Variants in ASIC2 observed in about 807,000 individuals in gnomAD.
ASIC2 encodes acid-sensing ion channel 2.
A neutral mutation model predicts 57.3 loss-of-function variants in ASIC2; 25 were observed. That is an observed-to-expected ratio of 0.44 (90% CI 0.32 to 0.61). The LOEUF is 0.61. Among genes scored for constraint, ASIC2 ranks in the 20% least tolerant of loss-of-function variants. The pLI is 0.06. For synonymous variants in ASIC2, 319 were observed against 307.5 expected, an observed-to-expected ratio of 1.04 and a Z score of -0.39; for missense variants, 641 against 738.1, an observed-to-expected ratio of 0.87 and a Z score of 1.52.
In ASIC2 at chr17:33,476,004, A is replaced by T. The variant is rs542247113; in HGVS notation, c.556-363937T>A. On this transcript the variant is annotated intron_variant, in intron 1 of 9. Transcript: ENST00000359872. ...AGGAAAAGTGAAAGGCTGGGAGGTT[A>T]TTATTTGGTAGCCCTGTTCACTAAG... Among the ~76,000 whole-genome samples, 4 of 152,298 alleles carry T rather than the reference A, an allele frequency of 2.6e-5. No individual in the cohort carries two copies. The East Asian group carries it at 7.7e-4, about 29-fold the overall frequency.
intron 1 of ASIC2, among the ~76,000 whole-genome samples, chr17:33,910,141 G>A (rs1357886038): frequency 6.6e-6 from 1 of 152,096 alleles, no homozygotes; most frequent in Non-Finnish European, 1.5e-5. Flanking sequence ...ACAGCTTTTG[G>A]GGATATCGCT....
intron 1 of ASIC2, among the ~76,000 whole-genome samples, chr17:33,645,458 T>C (rs1374225218): frequency 6.6e-6 from 1 of 152,182 alleles, no homozygotes; most frequent in Non-Finnish European, 1.5e-5. Flanking sequence ...AAGATTGCAT[T>C]GTACTGAGAA....
At chr17:33,343,410 C>T (rs796830787) in intron 1 of ASIC2, among the ~76,000 whole-genome samples, 37 of 152,304 alleles carry the variant, frequency 2.4e-4, no homozygotes, top group African/African-American at 7.9e-4. Flanking sequence ...GACACTTCCT[C>T]GCCTCTGGAC....
chr17:34,155,672 G>A (rs1904691212), intron 1 of ASIC2: 1 of 357,128 alleles, frequency 2.8e-6, no homozygotes, highest in South Asian at 4.3e-5. Flanking sequence ...CCGGACAACG[G>A]ACAGCCCAGG....
intron 1 of ASIC2, among the ~76,000 whole-genome samples, chr17:33,771,013 AT>A (rs1451248539): frequency 1.3e-5 from 2 of 152,146 alleles, no homozygotes. Flanking sequence ...GACAGTGGGG[AT>A]TGGGGGACTG....
At chr17:33,431,497 A>AG (rs998620942) in intron 1 of ASIC2, among the ~76,000 whole-genome samples, 1 of 151,990 alleles carries the variant, frequency 6.6e-6, no homozygotes, top group African/African-American at 2.4e-5. Context: ...CCAGCTACTC[A>AG]GGGGGGCTGA....
chr17:33,959,200 C>A (rs1904840821), intron 1 of ASIC2, among the ~76,000 whole-genome samples: 1 of 152,206 alleles, frequency 6.6e-6, no homozygotes, highest in Non-Finnish European at 1.5e-5. Flanking sequence ...AAGCTCCAAA[C>A]TTTCCCACAT....
chr17:33,879,126 A>G (rs1230255786), intron 1 of ASIC2, among the ~76,000 whole-genome samples: 3 of 152,220 alleles, frequency 2.0e-5, no homozygotes, highest in South Asian at 2.1e-4. Flanking sequence ...ATGGAAAGGA[A>G]CAACCGGTAC....
At chr17:34,043,471 T>G (rs1908216667) in intron 1 of ASIC2, among the ~76,000 whole-genome samples, 1 of 152,180 alleles carries the variant, frequency 6.6e-6, no homozygotes, top group Admixed American at 6.5e-5. Context: ...TAGGCACTTT[T>G]GGTTTGACAG....
At chr17:33,380,149 G>A (rs1909427467) in intron 1 of ASIC2, among the ~76,000 whole-genome samples, 1 of 149,698 alleles carries the variant, frequency 6.7e-6, no homozygotes, top group South Asian at 2.2e-4. Flanking sequence ...GGGGGGCTGA[G>A]GCAGTAGAAT....
intron 6 of ASIC2, 29 bp downstream of exon 6, chr17:33,023,832 C>T (rs1437680435): frequency 1.2e-6 from 2 of 1,612,818 alleles, no homozygotes; most frequent in Non-Finnish European, 1.7e-6. Context: ...TTCCCCCTTC[C>T]CCCTGCCTAC....
chr17:33,880,199 G>C (rs1035829185), intron 1 of ASIC2, among the ~76,000 whole-genome samples: 1 of 152,142 alleles, frequency 6.6e-6, no homozygotes, highest in African/African-American at 2.4e-5. Flanking sequence ...AAAAGAACTA[G>C]AGAAGCAAGA....
intron 1 of ASIC2, among the ~76,000 whole-genome samples, chr17:33,921,179 G>T (rs1915701917): frequency 6.6e-6 from 1 of 152,164 alleles, no homozygotes; most frequent in Non-Finnish European, 1.5e-5. Context: ...AAGTCAGAGA[G>T]ACCTGAGTTT....
intron 1 of ASIC2, among the ~76,000 whole-genome samples, chr17:33,594,585 G>C (rs545385676): frequency 5.9e-5 from 9 of 152,130 alleles, no homozygotes; most frequent in Non-Finnish European, 1.3e-4. Flanking sequence ...TCCCAGCACT[G>C]TGGGAGGCTG....
intron 1 of ASIC2, among the ~76,000 whole-genome samples, chr17:33,663,081 A>G (rs1338644337): frequency 2.0e-5 from 3 of 152,212 alleles, no homozygotes; most frequent in Non-Finnish European, 4.4e-5. Flanking sequence ...GGAGAACTCA[A>G]TGCACGAGAG....
intron 1 of ASIC2, among the ~76,000 whole-genome samples, chr17:33,246,921 A>C (rs758479836): frequency 6.6e-6 from 1 of 152,182 alleles, no homozygotes. Context: ...CACCACTGAC[A>C]AAGGCCCTAG....
chr17:33,113,380 T>C (rs1196502145), intron 1 of ASIC2, among the ~76,000 whole-genome samples: 1 of 152,200 alleles, frequency 6.6e-6, no homozygotes, highest in Non-Finnish European at 1.5e-5. Flanking sequence ...GTTATGATGA[T>C]TATATAACTG....
At chr17:34,091,187 T>C (rs562776838) in intron 1 of ASIC2, among the ~76,000 whole-genome samples, 1 of 152,356 alleles carries the variant, frequency 6.6e-6, no homozygotes, top group South Asian at 2.1e-4. Context: ...ACATTGCCAA[T>C]CTCAAAACAG....
chr17:33,161,452 C>T (rs1225752768), intron 1 of ASIC2, among the ~76,000 whole-genome samples: 1 of 152,216 alleles, frequency 6.6e-6, no homozygotes, highest in East Asian at 1.9e-4. Context: ...CTCTGAAAGG[C>T]CTTCTCCAAC....
Sources: gnomAD v4.1 joint callset for allele counts (sites outside exome capture counted in the v4.1 genomes callset) on GRCh38, gnomAD v4.1.1 for gene constraint, MANE v1.5 for transcripts, NCBI Gene and HGNC (gene_info 2026-07-23, HGNC 2026-07-21) for gene names.